TMCO6: variants seen among roughly 807,000 people sequenced by gnomAD.
TMCO6 encodes transmembrane and coiled-coil domains 6.
Under a neutral mutation model 61.8 loss-of-function variants are expected in TMCO6, and 47 were observed. That is an observed-to-expected ratio of 0.76 (90% CI 0.60 to 0.97). The LOEUF is 0.97. Among genes scored for constraint, TMCO6 ranks in the 50% least tolerant of loss-of-function variants. The pLI is 0.00. For missense variants in TMCO6, 557 were observed against 601.6 expected (o/e 0.93, Z 0.78); for synonymous variants, 261 against 254.2 (o/e 1.03, Z -0.25).
At chr5:140,606,732 A>G in the TMCO6 span, among the ~76,000 whole-genome samples, 86,885 of 151,944 alleles carry the variant, frequency 0.57, 25,575 homozygotes, top group African/African-American at 0.7. Flanking sequence ...TTCGAGACCA[A>G]CCTGGGCAAC....
chr5:140,645,747 T>A, downstream of TMCO6: 1 of 1,608,698 alleles, frequency 6.2e-7, no homozygotes, highest in South Asian at 1.1e-5. Flanking sequence ...AAATAAAAGA[T>A]CTTTGTCTTT....
intron 2 of TMCO6, chr5:140,641,037 AG>A (rs1213151155): frequency 1.3e-5 from 2 of 154,730 alleles, no homozygotes; most frequent in Non-Finnish European, 2.9e-5. Context: ...CTGGTCACTG[AG>A]GTACACAAAG....
At chr5:140,613,267 T>G in the TMCO6 span, among the ~76,000 whole-genome samples, 1 of 151,806 alleles carries the variant, frequency 6.6e-6, no homozygotes, top group Admixed American at 6.6e-5. Flanking sequence ...CATGCACCTG[T>G]AGTCCCAGCT....
At chr5:140,639,318 T>C (rs897876966), upstream of TMCO6, 7 of 574,586 alleles carry the variant, frequency 1.2e-5, no homozygotes, top group Admixed American at 1.6e-4. Flanking sequence ...TCTGGTCTAG[T>C]GGTGCAGCGT....
At chr5:140,627,221 GAAAAACCTGGT>G in the TMCO6 span, among the ~76,000 whole-genome samples, 1 of 148,780 alleles carries the variant, frequency 6.7e-6, no homozygotes, top group Non-Finnish European at 1.5e-5. Context: ...TTTTTTTGGT[GAAAAACCTGGT>G]AAGTAAGCAA....
the TMCO6 span, among the ~76,000 whole-genome samples, chr5:140,617,215 C>G: frequency 6.6e-6 from 1 of 152,158 alleles, no homozygotes; most frequent in East Asian, 1.9e-4. Context: ...CACTTTAGGT[C>G]AGGAGTTCAA....
the TMCO6 span, among the ~76,000 whole-genome samples, chr5:140,613,360 G>C: frequency 7.7e-6 from 1 of 129,696 alleles, no homozygotes; most frequent in Non-Finnish European, 1.5e-5. Flanking sequence ...CTGTACTCCA[G>C]CCTGGCAACA....
chr5:140,618,726 A>G, the TMCO6 span, among the ~76,000 whole-genome samples: 1 of 152,160 alleles, frequency 6.6e-6, no homozygotes, highest in South Asian at 2.1e-4. Context: ...TAGCTCCCAG[A>G]GAATTTTTTT....
At chr5:140,615,714 G>A in the TMCO6 span, among the ~76,000 whole-genome samples, 25 of 152,138 alleles carry the variant, frequency 1.6e-4, no homozygotes, top group African/African-American at 4.8e-4. Context: ...TTCATACTAC[G>A]GCACTGGGGA....
the TMCO6 span, among the ~76,000 whole-genome samples, chr5:140,600,390 A>G: frequency 2.0e-5 from 3 of 152,128 alleles, no homozygotes; most frequent in South Asian, 6.2e-4. Context: ...GAAATTAACA[A>G]TCAGTGTGAC....
At chr5:140,617,731 CAAAAA>C in the TMCO6 span, among the ~76,000 whole-genome samples, 1 of 119,200 alleles carries the variant, frequency 8.4e-6, no homozygotes, top group Non-Finnish European at 1.8e-5. Context: ...GAGTCTCTGT[CAAAAA>C]AAAAAAAAAA....
chr5:140,612,529 CG>C, the TMCO6 span, among the ~76,000 whole-genome samples: 1 of 152,038 alleles, frequency 6.6e-6, no homozygotes, highest in East Asian at 1.9e-4. Flanking sequence ...TTAGTAGAGA[CG>C]GGGTTTCACC....
chr5:140,642,165 A>C, intron 4 of TMCO6, 112 bp downstream of exon 4: 1 of 1,459,588 alleles, frequency 6.9e-7, no homozygotes. Context: ...CCTTATGCCT[A>C]CAGCCATGGC....
the TMCO6 span, among the ~76,000 whole-genome samples, chr5:140,630,070 A>T: frequency 2.7e-5 from 4 of 150,302 alleles, no homozygotes; most frequent in South Asian, 8.5e-4. Context: ...GCTCACTGCA[A>T]CCTCTGCCTC....
intron 6 of TMCO6, 81 bp downstream of exon 6, chr5:140,642,752 A>C (rs1404847079): frequency 1.3e-6 from 2 of 1,583,912 alleles, no homozygotes; most frequent in Non-Finnish European, 1.7e-6. Context: ...ATGATTTCCA[A>C]AGCTGTTGCA....
chr5:140,647,693 G>C, downstream of TMCO6: 1 of 1,433,368 alleles, frequency 7.0e-7, no homozygotes, highest in Non-Finnish European at 9.6e-7. Context: ...CAGGGGCGGG[G>C]TAAAGCTTGG....
At chr5:140,630,602 A>C in the TMCO6 span, among the ~76,000 whole-genome samples, 2 of 152,220 alleles carry the variant, frequency 1.3e-5, no homozygotes, top group African/African-American at 2.4e-5. Flanking sequence ...AAGTGTGATC[A>C]GAGCTATTCA....
chr5:140,606,933 G>A, the TMCO6 span, among the ~76,000 whole-genome samples: 1 of 151,418 alleles, frequency 6.6e-6, no homozygotes, highest in Non-Finnish European at 1.5e-5. Flanking sequence ...CTCTGTGTAG[G>A]CCCGGGCTAA....
At chr5:140,616,081 G>A in the TMCO6 span, among the ~76,000 whole-genome samples, 141 of 151,948 alleles carry the variant, frequency 9.3e-4, no homozygotes, top group African/African-American at 3.0e-3. Flanking sequence ...GCAGTGAGCC[G>A]AGGCCATGCC....
Sources: gnomAD v4.1 joint callset for allele counts (sites outside exome capture counted in the v4.1 genomes callset) on GRCh38, gnomAD v4.1.1 for gene constraint, MANE v1.5 for transcripts, NCBI Gene and HGNC (gene_info 2026-07-23, HGNC 2026-07-21) for gene names.